The following MCTP1 variants were observed in gnomAD, a reference collection of about 807,000 sequenced individuals.
MCTP1 encodes the protein multiple C2 and transmembrane domain containing 1.
MCTP1 carries 69 observed loss-of-function variants against 120.6 expected under a neutral mutation model. The observed-to-expected ratio is 0.57, with a 90% confidence interval of 0.47 to 0.70. MCTP1 has a LOEUF of 0.70. Among genes scored for constraint, MCTP1 ranks in the 30% least tolerant of loss-of-function variants. The pLI is 0.00. For synonymous variants in MCTP1, 529 were observed against 493.1 expected, an observed-to-expected ratio of 1.07 and a Z score of -0.96; for missense variants, 1,203 against 1,248.8, an observed-to-expected ratio of 0.96 and a Z score of 0.55.
chr5:94,905,373 G>A (rs1469589993), intron 10 of MCTP1, among the ~76,000 whole-genome samples: 1 of 151,984 alleles, frequency 6.6e-6, no homozygotes, highest in Non-Finnish European at 1.5e-5. Context: ...GAACAGAGGA[G>A]TTAAGTTACT....
intron 2 of MCTP1, among the ~76,000 whole-genome samples, chr5:94,974,741 G>A (rs1392409038): frequency 2.0e-5 from 3 of 151,284 alleles, no homozygotes; most frequent in Non-Finnish European, 2.9e-5. Context: ...AAATGATTAT[G>A]ACCCTAAAAA....
chr5:94,752,848 G>A (rs969552674), intron 19 of MCTP1, among the ~76,000 whole-genome samples: 1 of 152,170 alleles, frequency 6.6e-6, no homozygotes, highest in Non-Finnish European at 1.5e-5. Flanking sequence ...AGGATAACAG[G>A]TGTAAACAGG....
chr5:95,081,854 A>C lies in MCTP1; in HGVS notation c.721-64370T>G, dbSNP rs905873371. ...ATCAAACATGCAGTGTTAGTAGTCA[A>C]CCTCTTCCTCATGGCAAAAGCCACA... is the stretch of plus-strand genomic sequence containing the variant. On this transcript the variant is annotated intron_variant, in intron 1 of 22. Coordinates refer to ENST00000515393, the MANE Select transcript of MCTP1 (RefSeq NM_024717.7). 20 of 1,004,876 alleles carry C rather than the reference A, an allele frequency of 2.0e-5. No individual in the cohort carries two copies. The East Asian group carries it at 1.8e-3, about 90-fold the overall frequency. 62.2% of individuals were successfully genotyped at this position (1,004,876 alleles called of 1,614,324 possible). A position where few individuals can be genotyped will look rare whatever the true frequency, so the allele number is the denominator to read the frequency against.
At chr5:94,770,317 T>C (rs1248867060) in intron 19 of MCTP1, among the ~76,000 whole-genome samples, 2 of 152,226 alleles carry the variant, frequency 1.3e-5, no homozygotes, top group South Asian at 4.2e-4. Context: ...CACTGCTATT[T>C]CGAGAGTTTT....
chr5:95,128,770 C>T (rs768915854), intron 1 of MCTP1, among the ~76,000 whole-genome samples: 11 of 152,150 alleles, frequency 7.2e-5, no homozygotes, highest in South Asian at 2.1e-4. Flanking sequence ...GATCAATGCA[C>T]GACTCTGTGA....
At chr5:94,788,175 A>G (rs1778153323) in intron 18 of MCTP1, among the ~76,000 whole-genome samples, 1 of 152,218 alleles carries the variant, frequency 6.6e-6, no homozygotes, top group African/African-American at 2.4e-5. Context: ...GTTAGTTTTT[A>G]AAGAACTGAT....
At chr5:94,991,566 T>C (rs1476819985) in intron 2 of MCTP1, among the ~76,000 whole-genome samples, 1 of 152,162 alleles carries the variant, frequency 6.6e-6, no homozygotes, top group Non-Finnish European at 1.5e-5. Context: ...AAGATTAGTG[T>C]GACATTTAAG....
At chr5:94,919,893 C>T (rs928907005) in intron 7 of MCTP1, among the ~76,000 whole-genome samples, 1 of 152,226 alleles carries the variant, frequency 6.6e-6, no homozygotes, top group Non-Finnish European at 1.5e-5. Context: ...CTTTGTCCAG[C>T]GCAGTCTGAA....
intron 1 of MCTP1, among the ~76,000 whole-genome samples, chr5:95,031,151 A>G (rs1259054871): frequency 1.3e-5 from 2 of 152,110 alleles, no homozygotes; most frequent in African/African-American, 4.8e-5. Context: ...AAGCAAACAA[A>G]TCTATGATTT....
chr5:95,143,221 A>T (rs1231866782), intron 1 of MCTP1, among the ~76,000 whole-genome samples: 2 of 152,136 alleles, frequency 1.3e-5, no homozygotes, highest in Non-Finnish European at 2.9e-5. Flanking sequence ...TAAATTATTC[A>T]TGGGAAACAG....
chr5:94,831,884 T>C (rs925622847), intron 17 of MCTP1, among the ~76,000 whole-genome samples: 2 of 152,210 alleles, frequency 1.3e-5, no homozygotes, highest in Admixed American at 1.3e-4. Flanking sequence ...TATTTAGATA[T>C]TTAGTTCTTG....
At chr5:94,865,939 T>C (rs1053978193) in intron 17 of MCTP1, among the ~76,000 whole-genome samples, 6 of 151,884 alleles carry the variant, frequency 4.0e-5, no homozygotes, top group Non-Finnish European at 7.4e-5. Context: ...GCTTAACAAA[T>C]ATTAGTGGTT....
intron 17 of MCTP1, among the ~76,000 whole-genome samples, chr5:94,861,077 G>A (rs1267072245): frequency 6.6e-6 from 1 of 151,548 alleles, no homozygotes; most frequent in African/African-American, 2.4e-5. Flanking sequence ...TCAGCTATTT[G>A]AGCCAATAGC....
At chr5:95,067,372 G>A (rs907125612) in intron 1 of MCTP1, among the ~76,000 whole-genome samples, 5 of 152,120 alleles carry the variant, frequency 3.3e-5, no homozygotes, top group Admixed American at 6.5e-5. Context: ...ATGCATACAT[G>A]TATTGAAACC....
chr5:95,100,813 C>G (rs764608968), intron 1 of MCTP1, among the ~76,000 whole-genome samples: 72 of 152,132 alleles, frequency 4.7e-4, no homozygotes, highest in Non-Finnish European at 2.1e-4. Context: ...GAAAGCAAAA[C>G]AAAACCAACT....
rs146878560 is a variant in MCTP1, at chr5:95,125,587, G to A, written c.721-108103C>T. Reference sequence around the variant, plus strand: ...CACAAAGATGCTTTATGAAATCAGTGTCTTGTTTTACTCCTAACACTCATT... The same window carrying A: ...CACAAAGATGCTTTATGAAATCAGTATCTTGTTTTACTCCTAACACTCATT... On this transcript the variant is annotated intron_variant, in intron 1 of 22. Transcript: ENST00000515393. 3.1e-3 allele frequency among the ~76,000 whole-genome samples: 471 copies of A among 152,248 alleles called. 3 individuals carry two copies. Among genetic ancestry groups the A allele is most frequent in the African/African-American group, 0.011 (437 of 41,558 alleles).
chr5:95,097,472 A>G (rs1756359839), intron 1 of MCTP1, among the ~76,000 whole-genome samples: 1 of 152,266 alleles, frequency 6.6e-6, no homozygotes, highest in Non-Finnish European at 1.5e-5. Context: ...GAAGAGACAG[A>G]AAGAAGGCCA....
chr5:94,931,617 CTT>C, intron 6 of MCTP1: 1 of 230,410 alleles, frequency 4.3e-6, no homozygotes, highest in East Asian at 8.7e-5. Context: ...TTGTGCGAAT[CTT>C]TCTTCTGTCT....
intron 1 of MCTP1, among the ~76,000 whole-genome samples, chr5:95,055,089 TATA>T (rs1562084493): frequency 6.6e-6 from 1 of 151,846 alleles, no homozygotes; most frequent in Non-Finnish European, 1.5e-5. Flanking sequence ...AAGCTGGAGC[TATA>T]ATATTTCTTT....
Sources: gnomAD v4.1 joint callset for allele counts (sites outside exome capture counted in the v4.1 genomes callset) on GRCh38, gnomAD v4.1.1 for gene constraint, MANE v1.5 for transcripts, NCBI Gene and HGNC (gene_info 2026-07-23, HGNC 2026-07-21) for gene names.